The following POLN variants were observed in gnomAD, a reference collection of about 807,000 sequenced individuals.
POLN encodes DNA polymerase N.
Under a neutral mutation model 113.5 loss-of-function variants are expected in POLN, and 108 were observed. That is an observed-to-expected ratio of 0.95 (90% confidence interval 0.81 to 1.12). The LOEUF is 1.12. Ranked by LOEUF, POLN falls within the 50% of genes most tolerant of loss-of-function variation. The pLI is 0.00. For missense variants in POLN, 1,097 were observed against 1,077.1 expected (o/e 1.02, Z -0.26); for synonymous variants, 386 against 391.5 (o/e 0.99, Z 0.17).
At chr4:2,238,600 G>A (rs1280115854) in intron 2 of POLN, 24 of 1,537,302 alleles carry the variant, frequency 1.6e-5, no homozygotes, top group South Asian at 5.9e-5. Flanking sequence ...TGAAGCATAC[G>A]TACCTATGAG....
intron 10 of POLN, 107 bp from the exon 11 acceptor site, chr4:2,174,126 A>T: frequency 1.9e-6 from 2 of 1,047,332 alleles, no homozygotes; most frequent in Non-Finnish European, 2.9e-6. Context: ...TGCAACTGCC[A>T]TTTACTCAGC....
intron 23 of POLN, chr4:2,080,143 C>G: frequency 1.0e-6 from 1 of 985,650 alleles, no homozygotes. Flanking sequence ...CCAGAAGGGG[C>G]TCCGGGACTC....
intron 13 of POLN, among the ~76,000 whole-genome samples, chr4:2,169,674 C>T (rs984043068): frequency 3.3e-5 from 5 of 152,192 alleles, no homozygotes; most frequent in Non-Finnish European, 5.9e-5. Flanking sequence ...ACAGAGCAGT[C>T]GAGCAATGTT....
Position 2,161,210 on chromosome 4 carries a change from C to A in POLN, c.1555-1999G>T, listed in dbSNP as rs967263717. Among the ~76,000 whole-genome samples the A allele has an allele frequency of 2.0e-5, 3 of 152,262 alleles. No homozygotes were observed. The South Asian group carries it at 6.2e-4, about 31-fold the overall frequency. ...TCAGCCCACCGCCACACTGTGGGAGCCCCTTTCTGGGCTGGCCAAGGCGGG... is the reference window on the plus strand; with the variant it reads ...TCAGCCCACCGCCACACTGTGGGAGACCCTTTCTGGGCTGGCCAAGGCGGG... On this transcript the variant is annotated intron_variant, in intron 13 of 25. Transcript: ENST00000511885.
At chr4:2,149,664 T>C (rs1309238561) in intron 16 of POLN, among the ~76,000 whole-genome samples, 1 of 152,190 alleles carries the variant, frequency 6.6e-6, no homozygotes, top group Non-Finnish European at 1.5e-5. Context: ...CATACATCTG[T>C]GGTCCTAGCT....
chr4:2,111,825 T>C (rs1050283588), intron 19 of POLN, among the ~76,000 whole-genome samples: 2 of 152,168 alleles, frequency 1.3e-5, no homozygotes, highest in Non-Finnish European at 2.9e-5. Flanking sequence ...CCAAGGTAAT[T>C]TATAGATTCA....
rs530213625 is a variant in POLN, at chr4:2,157,492, C to T, written c.1665+366G>A. Among the ~76,000 whole-genome samples the T allele has an allele frequency of 2.6e-4, 40 of 152,034 alleles. No individual in the cohort carries two copies. In the South Asian group the frequency reaches 7.7e-3, roughly 29 times the overall value. The stretch of plus-strand genomic sequence containing the variant: ...CTGTAATCCCAACACTTTGGGAGGC[C>T]GAGGCAGGCAGATCACGACGTAAGA... On this transcript the variant is annotated intron_variant, in intron 15 of 25. Transcript: ENST00000511885.
At position 2,240,876 on chromosome 4, in the gene POLN, C is replaced by T. The variant is rs749133653; in HGVS notation, c.-13+644G>A. 4 of 1,610,260 alleles carry T rather than the reference C, an allele frequency of 2.5e-6. No homozygotes were observed. In the Admixed American group the frequency reaches 6.7e-5, roughly 27 times the overall value. On this transcript the variant is annotated intron_variant, in intron 2 of 25. Transcript: ENST00000511885. Reference sequence around the variant, plus strand: ...CTCAAACAACCAGTCAAAGTCTTCTCCATTAAGATTATCAGCTTTGGGATA... The same window carrying T: ...CTCAAACAACCAGTCAAAGTCTTCTTCATTAAGATTATCAGCTTTGGGATA...
At chr4:2,213,262 AT>A (rs1213581525) in intron 3 of POLN, 136 bp from the exon 4 acceptor site, 1 of 499,452 alleles carries the variant, frequency 2.0e-6, no homozygotes, top group Non-Finnish European at 3.4e-6. Context: ...AAACAATGTA[AT>A]AAAATTCACA....
chr4:2,105,302 C>A (rs1407486263), intron 19 of POLN, among the ~76,000 whole-genome samples: 3 of 152,106 alleles, frequency 2.0e-5, no homozygotes, highest in Admixed American at 2.0e-4. Context: ...CCCTGGCCAT[C>A]ATCTGGATGG....
intron 2 of POLN, among the ~76,000 whole-genome samples, chr4:2,238,318 AG>A (rs1459922868): frequency 6.6e-6 from 1 of 152,196 alleles, no homozygotes; most frequent in Non-Finnish European, 1.5e-5. Context: ...ATCTAAAATA[AG>A]GTATATAAAT....
At chr4:2,236,083 C>G in intron 2 of POLN, 1 of 545,872 alleles carries the variant, frequency 1.8e-6, no homozygotes, top group East Asian at 2.9e-5. Flanking sequence ...TATATGTGAA[C>G]AAAAATTAGG....
At position 2,105,804 on chromosome 4, in the gene POLN, GTGATGATGATGA is replaced by G. The variant is rs147342911; in HGVS notation, c.1983-9883_1983-9872del. On this transcript the variant is annotated intron_variant, in intron 19 of 25. Coordinates refer to ENST00000511885, the MANE Select transcript of POLN (RefSeq NM_181808.4). The stretch of plus-strand genomic sequence containing the variant: ...AGGAGCCCACTCTCCCAGACAAATA[GTGATGATGATGA>G]TGATGATGATGATGATGATGATGAT... Among the ~76,000 whole-genome samples the G allele has an allele frequency of 5.9e-3, 857 of 144,910 alleles. 12 individuals carry two copies. Among genetic ancestry groups the G allele is most frequent in the African/African-American group, 0.02 (771 of 39,388 alleles).
In POLN at chr4:2,212,020, A is replaced by G. The variant is rs73798507; in HGVS notation, c.213+1027T>C. ...CACTCCAAGGGCAGATAATCATCCT[A>G]TGAACCCAGGGGCAAATAATCATCC... On this transcript the variant is annotated intron_variant, in intron 4 of 25. Transcript: ENST00000511885. Among the ~76,000 whole-genome samples, 344 of 152,280 alleles carry G rather than the reference A, an allele frequency of 2.3e-3. 1 individual carries two copies. The highest frequency in any genetic ancestry group is 7.8e-3 in the African/African-American group (325 of 41,562).
chr4:2,119,848 G>A (rs1033613561), intron 19 of POLN, among the ~76,000 whole-genome samples: 6 of 152,150 alleles, frequency 3.9e-5, no homozygotes, highest in Non-Finnish European at 8.8e-5. Flanking sequence ...TGCTGATGGG[G>A]AATTAGAAGT....
intron 16 of POLN, among the ~76,000 whole-genome samples, chr4:2,146,899 T>C (rs1460410202): frequency 6.6e-6 from 1 of 152,134 alleles, no homozygotes; most frequent in Non-Finnish European, 1.5e-5. Flanking sequence ...TTTGGCTCCA[T>C]CCCAGCTAGA....
intron 16 of POLN, among the ~76,000 whole-genome samples, chr4:2,141,572 G>A (rs537089154): frequency 8.9e-4 from 135 of 152,284 alleles, no homozygotes; most frequent in African/African-American, 2.9e-3. Flanking sequence ...CTCTCAGCAC[G>A]GCCAGCATCT....
chr4:2,137,303 G>A (rs1312803443), intron 16 of POLN, among the ~76,000 whole-genome samples: 1 of 152,222 alleles, frequency 6.6e-6, no homozygotes, highest in Non-Finnish European at 1.5e-5. Flanking sequence ...CCTAAGCCAA[G>A]GTTCTGTTGC....
In POLN at chr4:2,129,321, A is replaced by G. The variant is rs188153670; in HGVS notation, c.1790-65T>C. On this transcript the variant is annotated intron_variant, in intron 17 of 25. Transcript: ENST00000511885. ...TGAACTGATGCATAGCTATTCCTCA[A>G]TACAATATTATTTGAATATTATTCT... The G allele has an allele frequency of 1.8e-4, 178 of 962,506 alleles. No homozygotes were observed. In the African/African-American group the frequency reaches 2.4e-3, roughly 13 times the overall value. The allele number at this position is 962,506 out of a possible 1,614,324, so 59.6% of individuals were successfully genotyped here. A position where few individuals can be genotyped will look rare whatever the true frequency, so the allele number is the denominator to read the frequency against.
Sources: gnomAD v4.1 joint callset for allele counts (sites outside exome capture counted in the v4.1 genomes callset) on GRCh38, gnomAD v4.1.1 for gene constraint, MANE v1.5 for transcripts, NCBI Gene and HGNC (gene_info 2026-07-23, HGNC 2026-07-21) for gene names.